The following RYR3 variants were observed in gnomAD, a reference collection of about 807,000 sequenced individuals.
The protein encoded by RYR3 is brain ryanodine receptor-calcium release channel.
RYR3 carries 207 observed loss-of-function variants against 584.3 expected under a neutral mutation model. That is an observed-to-expected ratio of 0.35 (90% CI 0.32 to 0.40). The LOEUF (loss-of-function observed/expected upper bound fraction) is 0.40. Among genes scored for constraint, RYR3 ranks in the 10% least tolerant of loss-of-function variants. RYR3 has a pLI of 1.00. For synonymous variants in RYR3, 2,416 were observed against 2,248.5 expected (o/e 1.07, Z -2.11); for missense variants, 5,616 against 6,089.2 (o/e 0.92, Z 2.59).
At chr15:33,643,290 A>G (rs1595942576) in intron 27 of RYR3, among the ~76,000 whole-genome samples, 1 of 152,112 alleles carries the variant, frequency 6.6e-6, no homozygotes, top group African/African-American at 2.4e-5. Context: ...TCCTCCAGCC[A>G]CCTGCCTGCC....
At chr15:33,586,493 A>G (rs1364740268) in intron 16 of RYR3, among the ~76,000 whole-genome samples, 11 of 152,210 alleles carry the variant, frequency 7.2e-5, no homozygotes, top group Non-Finnish European at 1.6e-4. Context: ...AAAAGGTATG[A>G]AGAAATCAGA....
chr15:33,407,223 C>T (rs2043086562), intron 1 of RYR3, among the ~76,000 whole-genome samples: 1 of 152,218 alleles, frequency 6.6e-6, no homozygotes, highest in African/African-American at 2.4e-5. Context: ...CCTCTTAATA[C>T]CACCACTGTG....
chr15:33,767,592 T>C (rs1036267552), intron 60 of RYR3, among the ~76,000 whole-genome samples: 1 of 152,184 alleles, frequency 6.6e-6, no homozygotes, highest in Non-Finnish European at 1.5e-5. Context: ...CCTTCCCCAT[T>C]TGAGTTGTCC....
intron 16 of RYR3, among the ~76,000 whole-genome samples, chr15:33,596,628 G>A (rs115163374): frequency 0.011 from 1,625 of 152,190 alleles, 35 homozygotes; most frequent in African/African-American, 0.037. Flanking sequence ...AGGGTAATTA[G>A]CATGTCCACC....
chr15:33,767,906 C>T lies in RYR3; in HGVS notation c.8706-752C>T, dbSNP rs115828906. On this transcript the variant is annotated intron_variant, in intron 60 of 103. Transcript: ENST00000634891. ...CAGCATGTTCAGAAACAGCGATGGA[C>T]TCCTTTCTGACATCACAAGGCCCTC... Among the ~76,000 whole-genome samples, 1,523 of 152,318 alleles carry T rather than the reference C, an allele frequency of 1.0e-2. 25 individuals carry two copies. Among genetic ancestry groups the T allele is most frequent in the African/African-American group, 0.035 (1,440 of 41,552 alleles).
At chr15:33,686,730 A>G (rs139917296) in intron 38 of RYR3, among the ~76,000 whole-genome samples, 1,606 of 152,162 alleles carry the variant, frequency 0.011, 18 homozygotes, top group Non-Finnish European at 0.017. Flanking sequence ...TATCCAATCA[A>G]GTTGGCTTCA....
At chr15:33,732,387 CAAAA>C (rs3086238) in intron 48 of RYR3, among the ~76,000 whole-genome samples, 1 of 130,494 alleles carries the variant, frequency 7.7e-6, no homozygotes, top group Non-Finnish European at 1.6e-5. Flanking sequence ...GACTCCATCT[CAAAA>C]AAAAAAAAAA....
At chr15:33,312,175 A>G in intron 1 of RYR3, among the ~76,000 whole-genome samples, 1 of 152,218 alleles carries the variant, frequency 6.6e-6, no homozygotes, top group East Asian at 1.9e-4. Flanking sequence ...GCTCTCAGGA[A>G]TTAGAATGAA....
intron 60 of RYR3, among the ~76,000 whole-genome samples, chr15:33,763,091 TCCTTACA>T (rs1435703693): frequency 6.6e-6 from 1 of 152,206 alleles, no homozygotes. Flanking sequence ...GTGGACCCCT[TCCTTACA>T]CCTTATACAG....
chr15:33,762,149 A>G (rs1254430863), intron 60 of RYR3, among the ~76,000 whole-genome samples: 5 of 152,004 alleles, frequency 3.3e-5, no homozygotes. Flanking sequence ...AGCCAATATC[A>G]TACTGAATGG....
intron 16 of RYR3, among the ~76,000 whole-genome samples, chr15:33,598,196 AAAT>A (rs1487051515): frequency 1.3e-5 from 2 of 150,138 alleles, no homozygotes; most frequent in East Asian, 4.0e-4. Flanking sequence ...AAAAAAAAAA[AAAT>A]CAGATGAAAA....
intron 34 of RYR3, 22 bp downstream of exon 34, chr15:33,660,445 G>A: frequency 2.7e-6 from 4 of 1,507,086 alleles, no homozygotes; most frequent in Non-Finnish European, 3.6e-6. Flanking sequence ...GCCCGCGAAG[G>A]AAGGGGCAGG....
intron 1 of RYR3, among the ~76,000 whole-genome samples, chr15:33,326,682 G>A (rs1222220605): frequency 6.6e-6 from 1 of 152,160 alleles, no homozygotes; most frequent in Non-Finnish European, 1.5e-5. Flanking sequence ...GAACTATAAA[G>A]ACTGGAGTGT....
In RYR3 at chr15:33,603,266, G is replaced by C; in HGVS notation, c.2066G>C (p.Gly689Ala). The C allele has an allele frequency of 2.5e-6, 4 of 1,613,938 alleles. No individual in the cohort carries two copies. Among genetic ancestry groups the C allele is most frequent in the South Asian group, 1.1e-5 (1 of 91,078 alleles). ...CGGGTGGGCTGGGCCTCTTCTTCAG[G>C]CTATGCCCCATACCCAGGAGGTGGA... ...HLRVGWASSS[G>A]YAPYPGGGEG... Residue 689 changes from glycine (G) to alanine (A), a missense_variant, in exon 18 of 104, where the codon GGC (glycine) becomes GCC (alanine). Coordinates refer to ENST00000634891, the MANE Select transcript of RYR3 (RefSeq NM_001036.6).
rs371755713 is a variant in RYR3, at chr15:33,603,267, C to G, written c.2067C>G (p.Gly689=). 3.5e-5 allele frequency: 56 copies of G among 1,613,804 alleles called. No homozygotes were observed. The highest frequency in any genetic ancestry group is 4.7e-5 in the Non-Finnish European group (55 of 1,179,846). The change falls in exon 18 of 104, where the codon GGC becomes GGG. Residue 689 remains glycine (G), a synonymous_variant. Coordinates refer to ENST00000634891, the MANE Select transcript of RYR3 (RefSeq NM_001036.6). ...GGGTGGGCTGGGCCTCTTCTTCAGG[C>G]TATGCCCCATACCCAGGAGGTGGAG... The part of the protein sequence containing the change: ...HLRVGWASSS[G]YAPYPGGGEG...
intron 16 of RYR3, among the ~76,000 whole-genome samples, chr15:33,586,934 A>G (rs2058879935): frequency 6.6e-6 from 1 of 152,144 alleles, no homozygotes; most frequent in Non-Finnish European, 1.5e-5. Context: ...AGCAGATGGC[A>G]TGATGGGACA....
Position 33,696,414 on chromosome 15 carries a change from T to C in RYR3, c.6057T>C (p.Ala2019=), listed in dbSNP as rs2065869840. Residue 2019 remains alanine (A), a synonymous_variant, in exon 39 of 104, where the codon GCT becomes GCC. Coordinates refer to ENST00000634891, the MANE Select transcript of RYR3 (RefSeq NM_001036.6). ...TSVSDTINLL[A]ALGQIRSLLS... is the part of the protein sequence containing the mutation. ...TAAGCGACACCATCAACCTGCTGGCTGCCCTGGGCCAAATCCGCTCCCTCC... is the reference window on the plus strand; with the variant it reads ...TAAGCGACACCATCAACCTGCTGGCCGCCCTGGGCCAAATCCGCTCCCTCC... 1 of 1,613,942 alleles carries C rather than the reference T, an allele frequency of 6.2e-7. No individual in the cohort carries two copies. Among genetic ancestry groups the C allele is most frequent in the South Asian group, 1.1e-5 (1 of 91,066 alleles).
intron 46 of RYR3, among the ~76,000 whole-genome samples, 155 bp downstream of exon 46, chr15:33,726,661 T>C (rs1357474358): frequency 1.3e-5 from 2 of 152,254 alleles, no homozygotes; most frequent in Non-Finnish European, 2.9e-5. Flanking sequence ...ATGAGTTTTC[T>C]CCTCTAGGCT....
At position 33,636,078 on chromosome 15, in the gene RYR3, C is replaced by G. The variant is rs148323483; in HGVS notation, c.3381+259C>G. 1.1e-4 allele frequency among the ~76,000 whole-genome samples: 17 copies of G among 152,314 alleles called. No individual in the cohort carries two copies. The East Asian group carries it at 2.7e-3, about 24-fold the overall frequency. On this transcript the variant is annotated intron_variant, in intron 26 of 103. Coordinates refer to ENST00000634891, the MANE Select transcript of RYR3 (RefSeq NM_001036.6). ...GCACCCAAGCCCATTGACTCCACTCCAGAGGTGACATAAAGATCACTATGC... is the reference window on the plus strand; with the variant it reads ...GCACCCAAGCCCATTGACTCCACTCGAGAGGTGACATAAAGATCACTATGC...
Sources: gnomAD v4.1 joint callset for allele counts (sites outside exome capture counted in the v4.1 genomes callset) on GRCh38, gnomAD v4.1.1 for gene constraint, MANE v1.5 for transcripts, NCBI Gene and HGNC (gene_info 2026-07-23, HGNC 2026-07-21) for gene names.